The following PDE1C variants were observed in gnomAD, a reference collection of about 807,000 sequenced individuals.
PDE1C encodes the protein phosphodiesterase 1C.
In PDE1C, 62 loss-of-function variants were observed where a neutral mutation model predicts 93.1. That is an observed-to-expected ratio of 0.67 (90% CI 0.54 to 0.82). The LOEUF is 0.82. Among genes scored for constraint, PDE1C ranks in the 40% least tolerant of loss-of-function variants. The pLI, the probability that PDE1C is intolerant of heterozygous loss-of-function variation, is 0.00. For missense variants in PDE1C, 742 were observed against 884.6 expected, an observed-to-expected ratio of 0.84 and a Z score of 2.04; for synonymous variants, 325 against 310.1, an observed-to-expected ratio of 1.05 and a Z score of -0.50.
intron 1 of PDE1C, among the ~76,000 whole-genome samples, chr7:32,392,466 A>T (rs907955066): frequency 3.3e-5 from 5 of 152,216 alleles, no homozygotes; most frequent in Non-Finnish European, 7.3e-5. Flanking sequence ...TTATCCTGAT[A>T]TCAAAGCCAA....
At chr7:32,183,494 C>T (rs1310033638) in intron 2 of PDE1C, among the ~76,000 whole-genome samples, 12 of 151,978 alleles carry the variant, frequency 7.9e-5, no homozygotes, top group Non-Finnish European at 1.5e-4. Context: ...AGAAATAATG[C>T]CGCATATCTA....
chr7:31,628,673 G>A, the PDE1C span, among the ~76,000 whole-genome samples: 1 of 152,080 alleles, frequency 6.6e-6, no homozygotes, highest in Non-Finnish European at 1.5e-5. Flanking sequence ...AGCCAGGATG[G>A]TCTCAATCTC....
In PDE1C at chr7:31,848,045, A is replaced by G; in HGVS notation, c.903T>C (p.His301=). 6.2e-7 allele frequency: 1 copy of G among 1,613,158 alleles called. No individual in the cohort carries two copies. The highest frequency in any genetic ancestry group is 1.1e-5 in the South Asian group (1 of 91,072). Residue 301 remains histidine (H), a synonymous_variant, in exon 9 of 18, where the codon CAT becomes CAC. Coordinates refer to ENST00000396191, the MANE Select transcript of PDE1C (RefSeq NM_001191057.4). ...GCAGAAGGCGATAAGCTGCACTTAA[A>G]TGGTGATTCTCCAGTACAGATCTGT... ...YNDRSVLENH[H]LSAAYRLLQD... is the part of the protein sequence containing the mutation.
intron 3 of PDE1C, among the ~76,000 whole-genome samples, chr7:32,147,288 G>GAAAGAAAGAAAGAAAGAAAGAAAGAAA (rs1800931729): frequency 1.6e-5 from 2 of 122,546 alleles, no homozygotes; most frequent in African/African-American, 3.6e-5. Flanking sequence ...AAGAAAGAAA[G>GAAAGAAAGAAAGAAAGAAAGAAAGAAA]AAAGAAAGAA....
At chr7:32,258,755 G>A (rs533778124) in intron 1 of PDE1C, among the ~76,000 whole-genome samples, 12 of 152,312 alleles carry the variant, frequency 7.9e-5, no homozygotes, top group East Asian at 5.8e-4. Flanking sequence ...TAAGCTTGCC[G>A]CCTTCTGTGA....
At chr7:31,759,768 T>C (rs112922690) in intron 17 of PDE1C, among the ~76,000 whole-genome samples, 125 of 152,334 alleles carry the variant, frequency 8.2e-4, no homozygotes, top group African/African-American at 3.0e-3. Flanking sequence ...TAACTCTCAA[T>C]TGTTTAATTA....
At chr7:31,765,531 C>A (rs941335003) in intron 17 of PDE1C, among the ~76,000 whole-genome samples, 1 of 152,164 alleles carries the variant, frequency 6.6e-6, no homozygotes, top group Non-Finnish European at 1.5e-5. Context: ...TATTCAGAAG[C>A]TCCTATGTCC....
At chr7:32,090,108 T>G (rs1797383584) in intron 3 of PDE1C, among the ~76,000 whole-genome samples, 1 of 152,150 alleles carries the variant, frequency 6.6e-6, no homozygotes, top group Non-Finnish European at 1.5e-5. Context: ...CAAGGGAGCT[T>G]GGATTAAATA....
chr7:32,066,963 A>G (rs1795476921), intron 1 of PDE1C, among the ~76,000 whole-genome samples: 1 of 152,216 alleles, frequency 6.6e-6, no homozygotes, highest in South Asian at 2.1e-4. Context: ...AAATGGGAGC[A>G]TGTGCGTAAG....
chr7:32,024,799 C>T (rs1789181409), intron 2 of PDE1C, among the ~76,000 whole-genome samples: 1 of 152,038 alleles, frequency 6.6e-6, no homozygotes, highest in African/African-American at 2.4e-5. Flanking sequence ...ATGTTTTGAA[C>T]AATTTAACAC....
At chr7:31,748,571 C>T (rs371134401), downstream of PDE1C, among the ~76,000 whole-genome samples, 16 of 152,180 alleles carry the variant, frequency 1.1e-4, no homozygotes, top group African/African-American at 3.9e-4. Context: ...ACTTGTTATT[C>T]CCCAAAAGCA....
exon 1 of PDE1C, chr7:32,299,049 T>C: frequency 1.7e-6 from 2 of 1,146,638 alleles, no homozygotes; most frequent in Non-Finnish European, 2.1e-6. Flanking sequence ...TGGACGGGGC[T>C]GACCGGTGGG....
At chr7:32,337,019 C>T (rs563319896) in intron 1 of PDE1C, among the ~76,000 whole-genome samples, 5 of 152,172 alleles carry the variant, frequency 3.3e-5, no homozygotes, top group South Asian at 2.1e-4. Context: ...TTCAGATTCA[C>T]GGATTCTGCT....
chr7:31,915,761 G>C (rs1383447165), intron 2 of PDE1C, among the ~76,000 whole-genome samples: 1 of 152,038 alleles, frequency 6.6e-6, no homozygotes, highest in Non-Finnish European at 1.5e-5. Flanking sequence ...TGTATTTGTG[G>C]GGGAAAAGGA....
chr7:31,686,925 T>G, the PDE1C span: 1 of 152,210 alleles, frequency 6.6e-6, no homozygotes, highest in African/African-American at 2.4e-5. Context: ...TAACTTCTTG[T>G]GCCTCAGTTT....
intron 3 of PDE1C, among the ~76,000 whole-genome samples, chr7:32,087,368 T>A (rs1797163893): frequency 6.6e-6 from 1 of 152,178 alleles, no homozygotes; most frequent in South Asian, 2.1e-4. Context: ...CTGGAGAGGA[T>A]GTGGAGAAAT....
At chr7:31,651,872 G>T in the PDE1C span, 1 of 1,098,938 alleles carries the variant, frequency 9.1e-7, no homozygotes, top group East Asian at 2.6e-5. Context: ...ATATTATGAG[G>T]TGACAATGGA....
rs201076166 is a variant in PDE1C at position 31,770,313 on chromosome 7, T to C, written c.1960+5351A>G. Among the ~76,000 whole-genome samples, 13 of 152,340 alleles carry C rather than the reference T, an allele frequency of 8.5e-5. No homozygotes were observed. The East Asian group carries it at 1.7e-3, about 20-fold the overall frequency. On this transcript the variant is annotated intron_variant, in intron 17 of 17. Coordinates refer to ENST00000396191, the MANE Select transcript of PDE1C (RefSeq NM_001191057.4). Reference sequence around the variant, plus strand: ...CTGGATACAAGATCCTCATCAGATATGTGATTCTCAAATATTTTCTCTCTG... The same window carrying C: ...CTGGATACAAGATCCTCATCAGATACGTGATTCTCAAATATTTTCTCTCTG...
chr7:31,660,697 T>C, the PDE1C span, among the ~76,000 whole-genome samples: 2 of 152,126 alleles, frequency 1.3e-5, no homozygotes, highest in Non-Finnish European at 2.9e-5. Context: ...TTCATCTTTT[T>C]CCATCATGGT....
Sources: gnomAD v4.1 joint callset for allele counts (sites outside exome capture counted in the v4.1 genomes callset) on GRCh38, gnomAD v4.1.1 for gene constraint, MANE v1.5 for transcripts, NCBI Gene and HGNC (gene_info 2026-07-23, HGNC 2026-07-21) for gene names.